Variants in STEAP3 observed in about 807,000 individuals in gnomAD.
STEAP3 encodes the protein metalloreductase STEAP3.
STEAP3 carries 35 observed loss-of-function variants against 34.9 expected under a neutral mutation model. The ratio of observed to expected loss-of-function variants is 1.00; its 90% confidence interval spans 0.76 to 1.33. The LOEUF is 1.33. Ranked by LOEUF, STEAP3 falls within the 40% of genes most tolerant of loss-of-function variation. The probability of loss-of-function intolerance (pLI) is 0.00; values close to 1 mark genes in which losing one functional copy is unlikely to be tolerated. For missense variants in STEAP3, 652 were observed against 667.6 expected (o/e 0.98, Z 0.26); for synonymous variants, 281 against 301.6 (o/e 0.93, Z 0.71).
chr2:119,231,063 G>T, intron 2 of STEAP3, 29 bp downstream of exon 2: 1 of 1,614,022 alleles, frequency 6.2e-7, no homozygotes, highest in Non-Finnish European at 8.5e-7. Context: ...CAGATCCAAG[G>T]GGGCATGGGT....
intron 1 of STEAP3, among the ~76,000 whole-genome samples, chr2:119,229,807 T>G (rs116739293): frequency 7.4e-5 from 11 of 148,128 alleles, no homozygotes; most frequent in African/African-American, 1.8e-4. Flanking sequence ...TTGGCTGTGG[T>G]GGGGGGTGGA....
At chr2:119,235,291 A>G (rs957218729) in intron 2 of STEAP3, among the ~76,000 whole-genome samples, 1 of 152,208 alleles carries the variant, frequency 6.6e-6, no homozygotes, top group Admixed American at 6.5e-5. Flanking sequence ...GGGACAGAGC[A>G]TATGCATGTG....
At chr2:119,237,804 G>A (rs781160556) in intron 2 of STEAP3, among the ~76,000 whole-genome samples, 1 of 152,188 alleles carries the variant, frequency 6.6e-6, no homozygotes, top group African/African-American at 2.4e-5. Flanking sequence ...ATGGTGAGTT[G>A]CATGGTGTAC....
chr2:119,263,022 C>T, intron 5 of STEAP3, 35 bp from the exon 6 acceptor site: 1 of 1,593,146 alleles, frequency 6.3e-7, no homozygotes, highest in Non-Finnish European at 8.5e-7. Flanking sequence ...CTGTCATCCC[C>T]TCGCCCTCAC....
At chr2:119,239,525 G>C (rs1677184861) in intron 2 of STEAP3, 1 of 152,360 alleles carries the variant, frequency 6.6e-6, no homozygotes, top group South Asian at 2.1e-4. Flanking sequence ...GCTGAGCCCT[G>C]GTGCTGGCTG....
intron 2 of STEAP3, among the ~76,000 whole-genome samples, chr2:119,242,667 A>T (rs565112159): frequency 6.6e-6 from 1 of 152,246 alleles, no homozygotes; most frequent in East Asian, 1.9e-4. Flanking sequence ...GGTGCTTATG[A>T]TGTGCTCAGC....
At position 119,254,779 on chromosome 2, in the gene STEAP3, C is replaced by T; in HGVS notation, c.1146C>T (p.Ser382=). ...GAGTGCTGGCCCTCGGCACGTTGTC[C>T]CTGCTGGCCGTGACCTCACTGCCGT... The part of the protein sequence containing the change: ...SLGVLALGTL[S]LLAVTSLPSI... Residue 382 remains serine (S), a synonymous_variant, in exon 5 of 6, where the codon TCC becomes TCT. Transcript: ENST00000393110. 2 of 1,614,160 alleles carry T rather than the reference C, an allele frequency of 1.2e-6. No individual in the cohort carries two copies. The highest frequency in any genetic ancestry group is 1.7e-6 in the Non-Finnish European group (2 of 1,180,030).
chr2:119,226,480 G>C (rs749599075), intron 1 of STEAP3, among the ~76,000 whole-genome samples: 1 of 152,160 alleles, frequency 6.6e-6, no homozygotes, highest in Non-Finnish European at 1.5e-5. Context: ...TCTAGGAGTT[G>C]GAAGGGTGTG....
Position 119,245,730 on chromosome 2 carries a change from G to A in STEAP3, c.264G>A (p.Glu88=), listed in dbSNP as rs1394798550. The part of the protein sequence containing the change: ...FPSAAQVTFQ[E]EAVSSPEVIF... ...CAGCGGCCCAAGTGACTTTCCAAGA[G>A]GAGGCAGTGAGCTCCCCGGAGGTCA... Residue 88 remains glutamate, a synonymous_variant, in exon 3 of 6, where the codon GAG becomes GAA. Transcript: ENST00000393110. 1.2e-6 allele frequency: 2 copies of A among 1,614,130 alleles called. No individual in the cohort carries two copies. The highest frequency in any genetic ancestry group is 3.3e-5 in the Admixed American group (2 of 60,012).
chr2:119,240,769 C>G (rs1041682986), intron 2 of STEAP3, among the ~76,000 whole-genome samples: 1 of 152,176 alleles, frequency 6.6e-6, no homozygotes, highest in Non-Finnish European at 1.5e-5. Context: ...AGACAGGCCT[C>G]GGCCCACAGA....
chr2:119,233,869 G>C (rs1239566163), intron 2 of STEAP3, among the ~76,000 whole-genome samples: 1 of 152,198 alleles, frequency 6.6e-6, no homozygotes, highest in Non-Finnish European at 1.5e-5. Context: ...GCAAAAGTCA[G>C]AGCTCTTGCA....
intron 5 of STEAP3, among the ~76,000 whole-genome samples, chr2:119,260,599 A>G (rs961751980): frequency 1.3e-5 from 2 of 152,208 alleles, no homozygotes; most frequent in African/African-American, 2.4e-5. Flanking sequence ...CCCAGCCAAG[A>G]CTTATTCTTG....
intron 2 of STEAP3, among the ~76,000 whole-genome samples, chr2:119,239,965 A>G (rs1677198265): frequency 1.3e-5 from 2 of 152,254 alleles, no homozygotes; most frequent in Non-Finnish European, 2.9e-5. Flanking sequence ...TTACTTATAA[A>G]GAAATAGAGC....
chr2:119,237,563 G>A (rs1677126769), intron 2 of STEAP3, among the ~76,000 whole-genome samples: 1 of 152,050 alleles, frequency 6.6e-6, no homozygotes, highest in African/African-American at 2.4e-5. Flanking sequence ...AGGTTTTTGG[G>A]GGACAAACCT....
Position 119,248,143 on chromosome 2 carries a change from C to T in STEAP3, c.987C>T (p.Tyr329=). The change falls in exon 4 of 6, where the codon TAC becomes TAT. Residue 329 remains tyrosine, a synonymous_variant. Coordinates refer to ENST00000393110, the MANE Select transcript of STEAP3 (RefSeq NM_182915.3). ...SFFCAALHAL[Y]SFCLPLRRAH... is the part of the protein sequence containing the mutation. Reference sequence around the variant, plus strand: ...TCTGCGCCGCCCTGCACGCCCTCTACAGCTTCTGCTTGCCGCTGCGCCGCG... The same window carrying T: ...TCTGCGCCGCCCTGCACGCCCTCTATAGCTTCTGCTTGCCGCTGCGCCGCG... 6.2e-7 allele frequency: 1 copy of T among 1,608,074 alleles called. No homozygotes were observed. Among genetic ancestry groups the T allele is most frequent in the Non-Finnish European group, 8.5e-7 (1 of 1,179,386 alleles).
chr2:119,232,407 G>A (rs182305415), intron 2 of STEAP3, among the ~76,000 whole-genome samples: 18 of 152,298 alleles, frequency 1.2e-4, no homozygotes, highest in Admixed American at 8.5e-4. Flanking sequence ...CACGATCCCC[G>A]ACTTCGCCTC....
rs199868725 is a variant in STEAP3 at position 119,264,811 on chromosome 2, CCCG to C, written c.*1476_*1478del. 5.5e-5 allele frequency: 7 copies of C among 128,318 alleles called. No individual in the cohort carries two copies. The highest frequency in any genetic ancestry group is 2.9e-4 in the South Asian group (1 of 3,394). 7.9% of individuals were successfully genotyped at this position (128,318 alleles called of 1,614,324 possible). A position where few individuals can be genotyped will look rare whatever the true frequency, so the allele number is the denominator to read the frequency against. On this transcript the variant is annotated 3_prime_UTR_variant, in exon 6 of 6. Coordinates refer to ENST00000393110, the MANE Select transcript of STEAP3 (RefSeq NM_182915.3). Reference sequence around the variant, plus strand: ...CAGATGAGGCTGCCCCTGCCCCCCCCCCGCCAGGGAGGTTTCATGAGCTCATGT... The same window carrying C: ...CAGATGAGGCTGCCCCTGCCCCCCCCCCAGGGAGGTTTCATGAGCTCATGT...
At chr2:119,250,540 C>A (rs1573568732) in intron 4 of STEAP3, among the ~76,000 whole-genome samples, 1 of 152,314 alleles carries the variant, frequency 6.6e-6, no homozygotes, top group Non-Finnish European at 1.5e-5. Flanking sequence ...GGGACTAGTA[C>A]AATGTTGCTG....
chr2:119,256,165 C>T (rs1677767823), intron 5 of STEAP3, among the ~76,000 whole-genome samples: 1 of 152,194 alleles, frequency 6.6e-6, no homozygotes, highest in South Asian at 2.1e-4. Context: ...GCGTAATGCT[C>T]TTACGTAATC....
Sources: allele counts gnomAD v4.1 joint callset (sites outside exome capture counted in the v4.1 genomes callset), GRCh38; gene constraint gnomAD v4.1.1; transcripts MANE v1.5; gene names NCBI Gene and HGNC (gene_info 2026-07-23, HGNC 2026-07-21).